Variants in OTOG observed in about 807,000 individuals in gnomAD.
The protein encoded by OTOG is otogelin.
In OTOG, 296 loss-of-function variants were observed where a neutral mutation model predicts 313.8. That is an observed-to-expected ratio of 0.94 (90% confidence interval 0.86 to 1.04). The LOEUF is 1.04. Ranked by LOEUF, OTOG falls within the 50% of genes least tolerant of loss-of-function variation. The pLI, the probability that OTOG is intolerant of heterozygous loss-of-function variation, is 0.00. For synonymous variants in OTOG, 1,533 were observed against 1,554.9 expected, an observed-to-expected ratio of 0.99 and a Z score of 0.33; for missense variants, 3,948 against 3,840.1, an observed-to-expected ratio of 1.03 and a Z score of -0.74.
At chr11:17,608,161 T>G in intron 33 of OTOG, 135 bp from the exon 34 acceptor site, 1 of 580,336 alleles carries the variant, frequency 1.7e-6, no homozygotes, top group South Asian at 2.4e-5. Context: ...TTCTCCTTAG[T>G]GTGGTTTTTT....
At chr11:17,556,030 C>T (rs963968494) in intron 7 of OTOG, 133 bp downstream of exon 7, 10 of 677,318 alleles carry the variant, frequency 1.5e-5, no homozygotes, top group South Asian at 6.0e-5. Flanking sequence ...ACTATCTGGG[C>T]GGAAGCATAC....
chr11:17,636,469 A>C (rs1854269101), intron 47 of OTOG, among the ~76,000 whole-genome samples: 1 of 152,156 alleles, frequency 6.6e-6, no homozygotes, highest in Non-Finnish European at 1.5e-5. Context: ...CACAGAACAG[A>C]GTAGGAGAGG....
In OTOG at chr11:17,572,980, C is replaced by A. The variant is rs1852436776; in HGVS notation, c.2081-98C>A. 3.4e-6 allele frequency: 4 copies of A among 1,177,418 alleles called. No individual in the cohort carries two copies. In the East Asian group the frequency reaches 1.0e-4, roughly 30 times the overall value. The allele number at this position is 1,177,418 out of a possible 1,614,324, so 72.9% of individuals were successfully genotyped here. A position where few individuals can be genotyped will look rare whatever the true frequency, so the allele number is the denominator to read the frequency against. On this transcript the variant is annotated intron_variant, in intron 18 of 55. Transcript: ENST00000399397. ...TACATCCGTACAGCGTGTGCACACA[C>A]ACACACCCCTGAGCCATGGGGAGGG... is the stretch of plus-strand genomic sequence containing the variant.
At chr11:17,607,841 G>A (rs1219106203) in intron 33 of OTOG, among the ~76,000 whole-genome samples, 1 of 152,176 alleles carries the variant, frequency 6.6e-6, no homozygotes, top group Non-Finnish European at 1.5e-5. Flanking sequence ...CCTCCATGGA[G>A]GTCTGCAATA....
At chr11:17,577,830 G>C (rs1215213948) in intron 22 of OTOG, among the ~76,000 whole-genome samples, 1 of 152,184 alleles carries the variant, frequency 6.6e-6, no homozygotes, top group Non-Finnish European at 1.5e-5. Flanking sequence ...CAGTGTGAAT[G>C]TGCGGGGCAG....
intron 23 of OTOG, among the ~76,000 whole-genome samples, chr11:17,579,303 G>A (rs984914797): frequency 6.6e-6 from 1 of 152,208 alleles, no homozygotes; most frequent in African/African-American, 2.4e-5. Flanking sequence ...GGGTAGGAAG[G>A]GGAGGGGACA....
At chr11:17,609,051 G>T in intron 34 of OTOG, 79 bp from the exon 35 acceptor site, 1 of 1,130,094 alleles carries the variant, frequency 8.8e-7, no homozygotes, top group Non-Finnish European at 1.3e-6. Context: ...AAAGGATAAG[G>T]CCTGTGCTCA....
intron 51 of OTOG, 85 bp downstream of exon 51, chr11:17,641,176 T>C (rs1257169657): frequency 1.4e-6 from 2 of 1,397,098 alleles, no homozygotes; most frequent in Non-Finnish European, 1.9e-6. Context: ...AGAGGGGCCC[T>C]TGAAGCTGCC....
intron 9 of OTOG, 60 bp from the exon 10 acceptor site, chr11:17,558,478 G>T: frequency 6.5e-7 from 1 of 1,541,226 alleles, no homozygotes; most frequent in Non-Finnish European, 8.8e-7. Flanking sequence ...TTGGGGTTCT[G>T]TGTGGGGCTG....
intron 31 of OTOG, among the ~76,000 whole-genome samples, chr11:17,600,719 C>T (rs1853229911): frequency 1.3e-5 from 2 of 152,216 alleles, no homozygotes; most frequent in African/African-American, 2.4e-5. Flanking sequence ...GAACTGTGGT[C>T]CCTGGGGCAG....
intron 32 of OTOG, among the ~76,000 whole-genome samples, 183 bp from the exon 33 acceptor site, chr11:17,605,674 G>T (rs1443167732): frequency 6.6e-6 from 1 of 152,132 alleles, no homozygotes; most frequent in African/African-American, 2.4e-5. Context: ...GGCAGAGATG[G>T]TGTGAGGGGC....
chr11:17,552,615 T>TGTGTCCCCCACCTGTCCTGTGTCC (rs1454853324), intron 4 of OTOG, among the ~76,000 whole-genome samples: 366 of 150,688 alleles, frequency 2.4e-3, no homozygotes, highest in Non-Finnish European at 2.7e-3. Flanking sequence ...CCACCTGTCC[T>TGTGTCCCCCACCTGTCCTGTGTCC]CTCACATCAT....
intron 39 of OTOG, among the ~76,000 whole-genome samples, chr11:17,618,320 T>C (rs921087458): frequency 1.3e-5 from 2 of 152,258 alleles, no homozygotes; most frequent in African/African-American, 4.8e-5. Flanking sequence ...TACTTTTAAA[T>C]ATCCCTTTTG....
chr11:17,639,896 ATGG>A (rs1472388682), intron 49 of OTOG, among the ~76,000 whole-genome samples: 3 of 128,316 alleles, frequency 2.3e-5, no homozygotes, highest in Non-Finnish European at 4.8e-5. Flanking sequence ...GGTGAGGATG[ATGG>A]TGGTGGTGAT....
At chr11:17,632,286 G>C in intron 42 of OTOG, 60 bp downstream of exon 42, 2 of 1,495,430 alleles carry the variant, frequency 1.3e-6, no homozygotes, top group South Asian at 2.6e-5. Context: ...CCCTGTTAAA[G>C]TGGGAAAAGG....
At position 17,635,717 on chromosome 11, in the gene OTOG, T is replaced by C. The variant is rs1854249230; in HGVS notation, c.7795+6T>C. The C allele has an allele frequency of 6.5e-7, 1 of 1,548,790 alleles. No homozygotes were observed. On this transcript the variant is annotated splice_donor_region_variant and intron_variant, in intron 47 of 55. Transcript: ENST00000399397. ...CTGCCCTCTGTACCAGTGTGGTGAG[T>C]CCTGGCTGGGCACATGGCGGGCTGC... is the stretch of plus-strand genomic sequence containing the variant.
intron 36 of OTOG, among the ~76,000 whole-genome samples, 189 bp downstream of exon 36, chr11:17,611,612 TG>T: frequency 6.6e-6 from 1 of 152,226 alleles, no homozygotes; most frequent in South Asian, 2.1e-4. Context: ...ATCTAGGCCC[TG>T]GGGGGCTGAT....
In OTOG at chr11:17,548,209, C is replaced by G. The variant is rs1014975516; in HGVS notation, c.213C>G (p.Gly71=). The change falls in exon 3 of 56, where the codon GGC becomes GGG. Residue 71 remains glycine, a synonymous_variant. Coordinates refer to ENST00000399397, the MANE Select transcript of OTOG (RefSeq NM_001292063.2). The stretch of plus-strand genomic sequence containing the variant: ...GGGACAAGGCTACAGTCGTGGGAGG[C>G]CAGGTAAGGGAGGTCTTGGGAGGGG... ...AMGDKATVVG[G]QQAEAPDSVA... 1.3e-6 allele frequency: 2 copies of G among 1,546,184 alleles called. No homozygotes were observed. The highest frequency in any genetic ancestry group is 1.4e-5 in the African/African-American group (1 of 72,918).
intron 39 of OTOG, among the ~76,000 whole-genome samples, chr11:17,627,766 T>C (rs1182843938): frequency 2.0e-5 from 3 of 152,178 alleles, no homozygotes; most frequent in African/African-American, 7.2e-5. Context: ...TTACTTGTTA[T>C]TAGTGTTTTC....
Sources: allele counts gnomAD v4.1 joint callset (sites outside exome capture counted in the v4.1 genomes callset), GRCh38; gene constraint gnomAD v4.1.1; transcripts MANE v1.5; gene names NCBI Gene and HGNC (gene_info 2026-07-23, HGNC 2026-07-21).